The following ADAMTS6 variants were observed in gnomAD, a reference collection of about 807,000 sequenced individuals.
The protein encoded by ADAMTS6 is A disintegrin and metalloproteinase with thrombospondin motifs 6.
ADAMTS6 carries 23 observed loss-of-function variants against 144.3 expected under a neutral mutation model. The ratio of observed to expected loss-of-function variants is 0.16; its 90% CI spans 0.11 to 0.23. ADAMTS6 has a LOEUF of 0.23. Among genes scored for constraint, ADAMTS6 ranks in the 10% least tolerant of loss-of-function variants. ADAMTS6 has a pLI of 1.00. For synonymous variants in ADAMTS6, 444 were observed against 457.5 expected, an observed-to-expected ratio of 0.97 and a Z score of 0.38; for missense variants, 999 against 1,379.6, an observed-to-expected ratio of 0.72 and a Z score of 4.37.
chr5:65,189,004 T>A (rs1464306562), intron 21 of ADAMTS6, among the ~76,000 whole-genome samples: 4 of 152,028 alleles, frequency 2.6e-5, no homozygotes, highest in African/African-American at 4.8e-5. Context: ...AACATGGGAG[T>A]CTTAAAACAC....
At chr5:65,274,918 C>T (rs964115568) in intron 11 of ADAMTS6, among the ~76,000 whole-genome samples, 3 of 152,202 alleles carry the variant, frequency 2.0e-5, no homozygotes, top group African/African-American at 4.8e-5. Flanking sequence ...CTCCTGACCT[C>T]GTGATCTGCC....
At chr5:65,456,288 T>C (rs1025837167) in intron 4 of ADAMTS6, among the ~76,000 whole-genome samples, 2 of 152,174 alleles carry the variant, frequency 1.3e-5, no homozygotes, top group Admixed American at 6.5e-5. Flanking sequence ...CTGTTACACA[T>C]GCTTTGCTCA....
At chr5:65,168,757 C>T (rs1753394722) in intron 24 of ADAMTS6, among the ~76,000 whole-genome samples, 1 of 145,988 alleles carries the variant, frequency 6.8e-6, no homozygotes, top group Non-Finnish European at 1.5e-5. Flanking sequence ...TGATCTTTGA[C>T]AAACCTTAGA....
intron 20 of ADAMTS6, among the ~76,000 whole-genome samples, chr5:65,213,720 T>C (rs2112324618): frequency 6.6e-6 from 1 of 152,264 alleles, no homozygotes; most frequent in Non-Finnish European, 1.5e-5. Flanking sequence ...ATAACCTCTC[T>C]GATTTAAGAC....
At chr5:65,319,608 T>C (rs1745342625) in intron 9 of ADAMTS6, among the ~76,000 whole-genome samples, 1 of 145,500 alleles carries the variant, frequency 6.9e-6, no homozygotes, top group Non-Finnish European at 1.5e-5. Context: ...TGAGCCGAGA[T>C]TGTGCCACTG....
chr5:65,313,930 T>A (rs913693861), intron 9 of ADAMTS6, among the ~76,000 whole-genome samples: 3 of 152,022 alleles, frequency 2.0e-5, no homozygotes, highest in Middle Eastern at 3.2e-3. Flanking sequence ...ACTGTTTACC[T>A]CAGTTCCCAT....
At chr5:65,446,568 T>C (rs1303325240) in intron 7 of ADAMTS6, among the ~76,000 whole-genome samples, 2 of 152,182 alleles carry the variant, frequency 1.3e-5, no homozygotes, top group Non-Finnish European at 2.9e-5. Context: ...AATTGACAAA[T>C]AGCCTATAGA....
rs191481956 is a variant in ADAMTS6, at chr5:65,225,921, G to C, written c.2067+165C>G. ...ATTTGTATGGTGCTTGAATATGAAT[G>C]GGTCATTTTACCTTTACATATTTTA... On this transcript the variant is annotated intron_variant, in intron 16 of 24. Transcript: ENST00000381055. Among the ~76,000 whole-genome samples the C allele has an allele frequency of 8.5e-5, 13 of 152,090 alleles. No individual in the cohort carries two copies. The East Asian group carries it at 1.9e-3, about 23-fold the overall frequency.
chr5:65,181,011 C>T (rs1351881281), intron 22 of ADAMTS6, among the ~76,000 whole-genome samples: 1 of 152,174 alleles, frequency 6.6e-6, no homozygotes, highest in Non-Finnish European at 1.5e-5. Flanking sequence ...CCTTACAACT[C>T]TCCTATGAGG....
chr5:65,297,675 C>A, intron 10 of ADAMTS6, among the ~76,000 whole-genome samples: 1 of 152,114 alleles, frequency 6.6e-6, no homozygotes, highest in East Asian at 1.9e-4. Flanking sequence ...TAAAAAGGAA[C>A]AAAGAAATTC....
At chr5:65,286,812 T>A (rs1741715379) in intron 11 of ADAMTS6, among the ~76,000 whole-genome samples, 1 of 152,208 alleles carries the variant, frequency 6.6e-6, no homozygotes. Flanking sequence ...GCCCCTACAT[T>A]ATATAGGCTC....
intron 18 of ADAMTS6, among the ~76,000 whole-genome samples, chr5:65,223,013 G>T (rs995451458): frequency 1.1e-4 from 17 of 151,466 alleles, no homozygotes; most frequent in Non-Finnish European, 1.5e-4. Flanking sequence ...AATTTTAAAT[G>T]GGTAAAATAT....
chr5:65,217,285 T>G (rs1468718981), intron 18 of ADAMTS6, among the ~76,000 whole-genome samples: 2 of 152,138 alleles, frequency 1.3e-5, no homozygotes, highest in African/African-American at 4.8e-5. Flanking sequence ...TATAAGGACA[T>G]CTGAGACTGT....
At chr5:65,181,392 A>G (rs1453506068) in intron 22 of ADAMTS6, among the ~76,000 whole-genome samples, 2 of 152,152 alleles carry the variant, frequency 1.3e-5, no homozygotes, top group Non-Finnish European at 2.9e-5. Flanking sequence ...GATTTCTGCC[A>G]CTCTCTTAAA....
chr5:65,375,298 G>T (rs1751412748), intron 7 of ADAMTS6, among the ~76,000 whole-genome samples: 2 of 151,914 alleles, frequency 1.3e-5, no homozygotes, highest in South Asian at 4.2e-4. Flanking sequence ...CACAGCAAAA[G>T]AAACTACCAT....
At chr5:65,261,172 T>C (rs1312011763) in intron 13 of ADAMTS6, among the ~76,000 whole-genome samples, 1 of 152,132 alleles carries the variant, frequency 6.6e-6, no homozygotes, top group Non-Finnish European at 1.5e-5. Flanking sequence ...AAAAACAAAT[T>C]TCCATCTTAT....
chr5:65,326,715 T>C (rs1027495828), intron 9 of ADAMTS6, among the ~76,000 whole-genome samples: 2 of 152,134 alleles, frequency 1.3e-5, no homozygotes, highest in African/African-American at 4.8e-5. Flanking sequence ...TCAGTATACT[T>C]CACCTGAAAA....
intron 3 of ADAMTS6, among the ~76,000 whole-genome samples, chr5:65,463,981 A>T (rs770936476): frequency 2.0e-5 from 3 of 152,196 alleles, no homozygotes; most frequent in African/African-American, 2.4e-5. Context: ...AAACACCAGC[A>T]TTGAACCTCA....
Position 65,334,027 on chromosome 5 carries a change from C to CA in ADAMTS6, c.1117+14_1117+15insT. On this transcript the variant is annotated intron_variant, in intron 8 of 24. Coordinates refer to ENST00000381055, the MANE Select transcript of ADAMTS6 (RefSeq NM_197941.4). ...AAAAAAAAAAAAAAAAAAAAAAAAA[C>CA]CAAAAAAAACTTACCCAGTGTTCCA... 3 of 500,716 alleles carry CA rather than the reference C, an allele frequency of 6.0e-6. No homozygotes were observed. The highest frequency in any genetic ancestry group is 8.1e-6 in the Non-Finnish European group (3 of 371,900). 31.0% of individuals were successfully genotyped at this position (500,716 alleles called of 1,614,324 possible).
Sources: gnomAD v4.1 joint callset for allele counts (sites outside exome capture counted in the v4.1 genomes callset) on GRCh38, gnomAD v4.1.1 for gene constraint, MANE v1.5 for transcripts, NCBI Gene and HGNC (gene_info 2026-07-23, HGNC 2026-07-21) for gene names.